CSMD1: variants seen among roughly 807,000 people sequenced by gnomAD.
The protein encoded by CSMD1 is CUB and Sushi multiple domains 1, also known as CUB and sushi domain-containing protein 1.
Under a neutral mutation model 417.5 loss-of-function variants are expected in CSMD1, and 213 were observed. The ratio of observed to expected loss-of-function variants is 0.51; its 90% CI spans 0.46 to 0.57. The LOEUF (loss-of-function observed/expected upper bound fraction) is 0.57, where lower values mean the gene tolerates loss of function less well. Among genes scored for constraint, CSMD1 ranks in the 20% least tolerant of loss-of-function variants. The pLI is 0.00. For missense variants in CSMD1, 6,923 were observed against 4,529.7 expected (o/e 1.53, Z -15.17); for synonymous variants, 2,862 against 1,736.8 (o/e 1.65, Z -16.11).
intron 6 of CSMD1, among the ~76,000 whole-genome samples, chr8:3,710,004 C>G (rs1032158065): frequency 6.6e-6 from 1 of 151,772 alleles, no homozygotes; most frequent in Non-Finnish European, 1.5e-5. Context: ...TTTGGCTCCC[C>G]CAAAAACCTA....
intron 2 of CSMD1, among the ~76,000 whole-genome samples, chr8:4,450,700 C>A (rs1004622005): frequency 6.6e-6 from 1 of 152,018 alleles, no homozygotes; most frequent in Non-Finnish European, 1.5e-5. Flanking sequence ...TATAACACAT[C>A]ACAGAGTTTT....
intron 5 of CSMD1, among the ~76,000 whole-genome samples, chr8:3,755,618 G>C (rs866839813): frequency 6.6e-6 from 1 of 152,120 alleles, no homozygotes; most frequent in African/African-American, 2.4e-5. Flanking sequence ...CACCTGTGTA[G>C]AGAGCATTTC....
rs922527582 is a variant in CSMD1 at position 3,688,463 on chromosome 8, G to C, written c.1009+19951C>G. 3.3e-5 allele frequency among the ~76,000 whole-genome samples: 5 copies of C among 152,140 alleles called. No homozygotes were observed. The East Asian group carries it at 9.6e-4, about 29-fold the overall frequency. On this transcript the variant is annotated intron_variant, in intron 7 of 69. Coordinates refer to ENST00000635120, the MANE Select transcript of CSMD1 (RefSeq NM_033225.6). ...ATTTGAGGCAAATGACTCATCCTACGTGTCTCTGTTCCCTAATGTCAAATG... is the reference window on the plus strand; with the variant it reads ...ATTTGAGGCAAATGACTCATCCTACCTGTCTCTGTTCCCTAATGTCAAATG...
intron 5 of CSMD1, among the ~76,000 whole-genome samples, chr8:3,952,786 C>T (rs943646636): frequency 1.3e-5 from 2 of 152,098 alleles, no homozygotes; most frequent in Non-Finnish European, 2.9e-5. Flanking sequence ...AAAAGAAGTA[C>T]TTGATTATTA....
intron 26 of CSMD1, among the ~76,000 whole-genome samples, chr8:3,252,768 A>T (rs1800367754): frequency 6.6e-6 from 1 of 152,090 alleles, no homozygotes; most frequent in African/African-American, 2.4e-5. Context: ...CAGAGATTCA[A>T]CTTCTTCCTC....
chr8:3,436,082 C>T (rs1383626636), intron 12 of CSMD1, among the ~76,000 whole-genome samples: 2 of 152,142 alleles, frequency 1.3e-5, no homozygotes, highest in African/African-American at 2.4e-5. Context: ...CTGCTGGTTC[C>T]ACCCTAAGGA....
chr8:4,677,133 C>T (rs12676227), intron 1 of CSMD1, among the ~76,000 whole-genome samples: 31,425 of 146,460 alleles, frequency 0.21, 4,052 homozygotes, highest in African/African-American at 0.36. Context: ...ATATATGATA[C>T]ATAAAATAAT....
At chr8:3,926,344 C>A (rs1346273164) in intron 5 of CSMD1, among the ~76,000 whole-genome samples, 1 of 151,594 alleles carries the variant, frequency 6.6e-6, no homozygotes, top group Non-Finnish European at 1.5e-5. Context: ...TTTATTTTAT[C>A]TTATCTTATT....
chr8:4,249,575 G>T (rs973380664), intron 3 of CSMD1, among the ~76,000 whole-genome samples: 2 of 152,124 alleles, frequency 1.3e-5, no homozygotes, highest in African/African-American at 4.8e-5. Flanking sequence ...AACCATCTTA[G>T]CTTGAAGCTG....
At chr8:3,654,761 G>A (rs1422479656) in intron 7 of CSMD1, among the ~76,000 whole-genome samples, 9 of 152,100 alleles carry the variant, frequency 5.9e-5, no homozygotes, top group African/African-American at 1.7e-4. Flanking sequence ...TGAGCTGAAC[G>A]GGGTAGGACT....
chr8:4,431,713 A>G (rs529375915), intron 2 of CSMD1, among the ~76,000 whole-genome samples: 2 of 152,356 alleles, frequency 1.3e-5, no homozygotes, highest in African/African-American at 4.8e-5. Context: ...CAGCAGAATT[A>G]AGACAATGGA....
chr8:3,641,764 C>G (rs1797319361), intron 7 of CSMD1, among the ~76,000 whole-genome samples: 1 of 152,166 alleles, frequency 6.6e-6, no homozygotes, highest in South Asian at 2.1e-4. Context: ...CACTCGGTAC[C>G]CAACCACTCA....
chr8:4,557,368 TATAATTTGATAGCATTATCTA>T (rs1489802413), intron 2 of CSMD1, among the ~76,000 whole-genome samples: 2 of 151,532 alleles, frequency 1.3e-5, no homozygotes, highest in African/African-American at 4.8e-5. Flanking sequence ...TATGCCAAGA[TATAATTTGATAGCATTATCTA>T]AGAATTCACA....
chr8:4,602,056 A>G (rs1056130382), intron 2 of CSMD1, among the ~76,000 whole-genome samples: 1 of 152,196 alleles, frequency 6.6e-6, no homozygotes, highest in Non-Finnish European at 1.5e-5. Context: ...TGAATATAGA[A>G]ATAGATAAAG....
chr8:4,317,081 G>C lies in CSMD1; in HGVS notation c.415+102872C>G, dbSNP rs554105453. On this transcript the variant is annotated intron_variant, in intron 3 of 69. Coordinates refer to ENST00000635120, the MANE Select transcript of CSMD1 (RefSeq NM_033225.6). Reference sequence around the variant, plus strand: ...GCCCTGTGGAATTAATCAGCTACTAGTGTTTATCACAGGCAAGAGGTTTCC... The same window carrying C: ...GCCCTGTGGAATTAATCAGCTACTACTGTTTATCACAGGCAAGAGGTTTCC... Among the ~76,000 whole-genome samples, 9 of 152,250 alleles carry C rather than the reference G, an allele frequency of 5.9e-5. No individual in the cohort carries two copies. In the South Asian group the frequency reaches 1.2e-3, roughly 21 times the overall value.
chr8:4,003,713 T>C (rs1449014844), intron 4 of CSMD1, among the ~76,000 whole-genome samples: 4 of 152,196 alleles, frequency 2.6e-5, no homozygotes, highest in South Asian at 2.1e-4. Flanking sequence ...ACACAGTGCT[T>C]CAGGCGATTT....
intron 2 of CSMD1, among the ~76,000 whole-genome samples, chr8:4,553,702 G>C (rs868427377): frequency 3.3e-5 from 5 of 152,156 alleles, no homozygotes; most frequent in African/African-American, 1.2e-4. Context: ...GGATTCTAGA[G>C]TGACGTTAAT....
At chr8:4,594,265 G>T (rs531012749) in intron 2 of CSMD1, among the ~76,000 whole-genome samples, 87 of 140,412 alleles carry the variant, frequency 6.2e-4, no homozygotes, top group Non-Finnish European at 1.0e-3. Flanking sequence ...GTGCAGTGGC[G>T]TGATCTCAGC....
chr8:3,471,624 CCCT>C (rs1007886225), intron 11 of CSMD1, among the ~76,000 whole-genome samples: 2 of 142,728 alleles, frequency 1.4e-5, no homozygotes, highest in Non-Finnish European at 3.1e-5. Context: ...TTCCTTCCCT[CCCT>C]CTCTCCCTCC....
Sources: gnomAD v4.1 joint callset for allele counts (sites outside exome capture counted in the v4.1 genomes callset) on GRCh38, gnomAD v4.1.1 for gene constraint, MANE v1.5 for transcripts, NCBI Gene and HGNC (gene_info 2026-07-23, HGNC 2026-07-21) for gene names.